The following SYT1 variants were observed in gnomAD, a reference collection of about 807,000 sequenced individuals.
The protein encoded by SYT1 is synaptotagmin 1, also known as synaptotagmin-1.
Under a neutral mutation model 44.8 loss-of-function variants are expected in SYT1, and 8 were observed. The ratio of observed to expected loss-of-function variants is 0.18; its 90% CI spans 0.10 to 0.32. The LOEUF is 0.32. Ranked by LOEUF, SYT1 falls within the 10% of genes least tolerant of loss-of-function variation. SYT1 has a pLI of 1.00. For synonymous variants in SYT1, 154 were observed against 188.8 expected, an observed-to-expected ratio of 0.82 and a Z score of 1.51; for missense variants, 286 against 509.3, an observed-to-expected ratio of 0.56 and a Z score of 4.22.
At chr12:79,397,233 T>A (rs762790207) in intron 9 of SYT1, among the ~76,000 whole-genome samples, 16 of 152,142 alleles carry the variant, frequency 1.1e-4, no homozygotes, top group Non-Finnish European at 1.8e-4. Context: ...TCAGAGATTT[T>A]GTTTTATTTT....
chr12:79,316,452 C>T (rs1881087673), intron 8 of SYT1, among the ~76,000 whole-genome samples: 1 of 152,192 alleles, frequency 6.6e-6, no homozygotes, highest in African/African-American at 2.4e-5. Context: ...AGCTGTTGTA[C>T]AGCTTTCTGT....
chr12:79,445,990 C>CATATATATATATATATATAT (rs59721146), intron 10 of SYT1, among the ~76,000 whole-genome samples: 1 of 44,138 alleles, frequency 2.3e-5, no homozygotes, highest in Non-Finnish European at 4.4e-5. Context: ...AATCCAAAGA[C>CATATATATATATATATATAT]ATATATATAT....
At chr12:79,233,406 T>C (rs1875986717) in intron 4 of SYT1, among the ~76,000 whole-genome samples, 1 of 152,248 alleles carries the variant, frequency 6.6e-6, no homozygotes, top group Admixed American at 6.5e-5. Flanking sequence ...CAGTGGGTAC[T>C]TGTGTGAGGT....
intron 2 of SYT1, among the ~76,000 whole-genome samples, chr12:78,998,923 G>A (rs1034734081): frequency 5.9e-5 from 9 of 152,126 alleles, no homozygotes; most frequent in South Asian, 2.1e-4. Flanking sequence ...TTGAGTTTCC[G>A]TATTGACAGA....
chr12:79,199,163 T>C (rs1873634216), intron 3 of SYT1, among the ~76,000 whole-genome samples: 1 of 152,152 alleles, frequency 6.6e-6, no homozygotes, highest in Non-Finnish European at 1.5e-5. Context: ...CATTCTTACC[T>C]CTTTGGAAGG....
chr12:78,960,921 A>T (rs1879467469), intron 1 of SYT1, among the ~76,000 whole-genome samples: 2 of 152,088 alleles, frequency 1.3e-5, no homozygotes. Context: ...GCAATATAAA[A>T]CTATCAGAAT....
intron 3 of SYT1, among the ~76,000 whole-genome samples, chr12:79,072,350 C>A (rs1190417013): frequency 2.8e-5 from 4 of 140,806 alleles, no homozygotes; most frequent in Non-Finnish European, 6.7e-5. Context: ...TATTAAATGA[C>A]ATCCTGTTCA....
intron 1 of SYT1, among the ~76,000 whole-genome samples, chr12:78,925,536 C>G (rs953725420): frequency 6.6e-6 from 1 of 151,674 alleles, no homozygotes; most frequent in Non-Finnish European, 1.5e-5. Flanking sequence ...TGTTAGTTTT[C>G]TATTCTTTTT....
chr12:79,243,295 G>C (rs1293906905), intron 4 of SYT1, among the ~76,000 whole-genome samples: 1 of 152,094 alleles, frequency 6.6e-6, no homozygotes, highest in African/African-American at 2.4e-5. Context: ...TTTATGACTT[G>C]TTAAATAGAA....
chr12:79,289,871 T>C (rs945323245), intron 5 of SYT1, among the ~76,000 whole-genome samples: 1 of 149,992 alleles, frequency 6.7e-6, no homozygotes, highest in Non-Finnish European at 1.5e-5. Flanking sequence ...TGCCTGAAGT[T>C]CTCTAATTAA....
At chr12:79,321,863 G>A (rs1278000003) in intron 8 of SYT1, among the ~76,000 whole-genome samples, 1 of 152,166 alleles carries the variant, frequency 6.6e-6, no homozygotes, top group African/African-American at 2.4e-5. Flanking sequence ...TTCATCATGT[G>A]TAATTTCTAT....
intron 9 of SYT1, among the ~76,000 whole-genome samples, chr12:79,433,802 A>G (rs1294957315): frequency 1.3e-5 from 2 of 152,214 alleles, no homozygotes; most frequent in Admixed American, 1.3e-4. Context: ...GAATTTCACC[A>G]TAAAATCTGA....
chr12:78,951,805 C>T (rs968133077), intron 1 of SYT1, among the ~76,000 whole-genome samples: 1 of 152,092 alleles, frequency 6.6e-6, no homozygotes, highest in Non-Finnish European at 1.5e-5. Context: ...TGTCTAATCG[C>T]AACCTCCGTG....
rs57702061 is a variant in SYT1 at position 79,365,834 on chromosome 12, G to GAAAA, written c.928+12228_928+12231dup. 4.5e-3 allele frequency among the ~76,000 whole-genome samples: 468 copies of GAAAA among 104,098 alleles called. 16 individuals are homozygous for GAAAA. The highest frequency in any genetic ancestry group is 0.015 in the African/African-American group (416 of 27,298). The allele number at this position is 104,098 out of a possible 152,430, so 68.3% of individuals were successfully genotyped here. A position where few individuals can be genotyped will look rare whatever the true frequency, so the allele number is the denominator to read the frequency against. On this transcript the variant is annotated intron_variant, in intron 9 of 10. Coordinates refer to ENST00000261205, the MANE Select transcript of SYT1 (RefSeq NM_005639.3). ...CCTAGACTGATTGCAAAGAGTACCA[G>GAAAA]AAAAAAAAAAAAAAAAGCAGGTCAT...
intron 3 of SYT1, among the ~76,000 whole-genome samples, chr12:79,146,481 C>T (rs1869921296): frequency 6.6e-6 from 1 of 152,180 alleles, no homozygotes; most frequent in South Asian, 2.1e-4. Context: ...GAATTCAACC[C>T]TCATTCTGAC....
chr12:78,947,116 G>A (rs2137277076), intron 1 of SYT1, among the ~76,000 whole-genome samples: 1 of 152,210 alleles, frequency 6.6e-6, no homozygotes, highest in East Asian at 1.9e-4. Flanking sequence ...AAGGTTGTTT[G>A]GATTTTTAAA....
intron 8 of SYT1, among the ~76,000 whole-genome samples, chr12:79,348,102 G>A (rs1467445156): frequency 6.6e-6 from 1 of 152,162 alleles, no homozygotes; most frequent in Non-Finnish European, 1.5e-5. Flanking sequence ...ATCATATCAG[G>A]CCTTTTAGTG....
intron 1 of SYT1, among the ~76,000 whole-genome samples, chr12:78,940,118 C>A (rs913122577): frequency 1.3e-5 from 2 of 151,994 alleles, no homozygotes; most frequent in African/African-American, 4.8e-5. Context: ...AATGCTAGTC[C>A]CTGGAGCCTA....
chr12:79,416,090 G>A (rs1405492), intron 9 of SYT1, among the ~76,000 whole-genome samples: 20,794 of 152,108 alleles, frequency 0.14, 1,857 homozygotes, highest in Middle Eastern at 0.34. Context: ...TATTAAAGGA[G>A]TTCCATTTCA....
Sources: gnomAD v4.1 joint callset for allele counts (sites outside exome capture counted in the v4.1 genomes callset) on GRCh38, gnomAD v4.1.1 for gene constraint, MANE v1.5 for transcripts, NCBI Gene and HGNC (gene_info 2026-07-23, HGNC 2026-07-21) for gene names.